Variants in MBD2 observed in about 807,000 individuals in gnomAD.
MBD2 encodes the protein methyl-CpG-binding domain protein 2.
A neutral mutation model predicts 39.3 loss-of-function variants in MBD2; 9 were observed. The ratio of observed to expected loss-of-function variants is 0.23; its 90% CI spans 0.14 to 0.40. The LOEUF (loss-of-function observed/expected upper bound fraction) is 0.40, where lower values mean the gene tolerates loss of function less well. Among genes scored for constraint, MBD2 ranks in the 10% least tolerant of loss-of-function variants. MBD2 has a pLI of 1.00. For missense variants in MBD2, 458 were observed against 532.6 expected (o/e 0.86, Z 1.38); for synonymous variants, 233 against 211.1 (o/e 1.10, Z -0.90).
intron 2 of MBD2, among the ~76,000 whole-genome samples, chr18:54,189,929 G>T (rs2086309308): frequency 6.6e-6 from 1 of 152,116 alleles, no homozygotes. Flanking sequence ...GATTACAGGT[G>T]TGAGCCTCCA....
chr18:54,215,544 A>C (rs990695472), intron 1 of MBD2, among the ~76,000 whole-genome samples: 1 of 145,514 alleles, frequency 6.9e-6, no homozygotes, highest in African/African-American at 2.6e-5. Context: ...GCTGGAGTGC[A>C]GTGGCGCGAT....
intron 1 of MBD2, among the ~76,000 whole-genome samples, chr18:54,222,634 G>A (rs1060592): frequency 6.6e-6 from 1 of 152,182 alleles, no homozygotes; most frequent in Non-Finnish European, 1.5e-5. Context: ...ATGTTTAAAA[G>A]AAGTTCTCCA....
In MBD2 at chr18:54,178,887, T is replaced by G. The variant is rs16957923; in HGVS notation, c.840+9987A>C. ...TATAAACAATCTTTTGCCACTAACT[T>G]TGAAAATTATAAAATGCACAAATTC... On this transcript the variant is annotated intron_variant, in intron 3 of 6. Transcript: ENST00000256429. Among the ~76,000 whole-genome samples, 348 of 152,256 alleles carry G rather than the reference T, an allele frequency of 2.3e-3. 3 individuals are homozygous for G. The highest frequency in any genetic ancestry group is 7.8e-3 in the African/African-American group (325 of 41,574).
At chr18:54,164,021 C>G (rs2086113374) in intron 5 of MBD2, among the ~76,000 whole-genome samples, 1 of 152,048 alleles carries the variant, frequency 6.6e-6, no homozygotes, top group South Asian at 2.1e-4. Context: ...GTAGCTGGGA[C>G]TACAGTTACA....
intron 2 of MBD2, among the ~76,000 whole-genome samples, chr18:54,199,634 C>T (rs527617237): frequency 6.6e-6 from 1 of 152,254 alleles, no homozygotes; most frequent in Non-Finnish European, 1.5e-5. Context: ...TCCCCTATTC[C>T]CTGACTCCTC....
In MBD2 at chr18:54,153,299, A is replaced by C. The variant is rs549322208; in HGVS notation, c.*2025T>G. 13 of 152,212 alleles carry C rather than the reference A, an allele frequency of 8.5e-5. No homozygotes were observed. Among genetic ancestry groups the C allele is most frequent in the Non-Finnish European group, 1.3e-4 (9 of 68,100 alleles). The allele number at this position is 152,212 out of a possible 1,614,324, so 9.4% of individuals were successfully genotyped here. A position where few individuals can be genotyped will look rare whatever the true frequency, so the allele number is the denominator to read the frequency against. ...GGCTTGCTTTTACCAGAGTGAGGGA[A>C]TGGAAGAGGGTGGTAGGTTTGTGGG... On this transcript the variant is annotated 3_prime_UTR_variant, in exon 7 of 7. Coordinates refer to ENST00000256429, the MANE Select transcript of MBD2 (RefSeq NM_003927.5).
chr18:54,180,897 C>CCTTTTTTTTTTTTTTTTTT (rs2086246150), intron 3 of MBD2, among the ~76,000 whole-genome samples: 2 of 105,370 alleles, frequency 1.9e-5, no homozygotes, highest in African/African-American at 7.8e-5. Context: ...TTAATTTTTT[C>CCTTTTTTTTTTTTTTTTTT]TTTTTCTTTT....
At chr18:54,182,938 A>T (rs2086260712) in intron 3 of MBD2, among the ~76,000 whole-genome samples, 1 of 152,148 alleles carries the variant, frequency 6.6e-6, no homozygotes, top group Non-Finnish European at 1.5e-5. Context: ...TCTCCAAAAA[A>T]AAAAAAGACA....
In MBD2 at chr18:54,155,130, A is replaced by C. The variant is rs1238480530; in HGVS notation, c.*194T>G. On this transcript the variant is annotated 3_prime_UTR_variant, in exon 7 of 7. Transcript: ENST00000256429. ...AATTTTAAGTCCTAGGACTCAAAAT[A>C]AACATGATTTTTTGAATAATAGATA... 3.9e-5 allele frequency: 6 copies of C among 152,604 alleles called. No individual in the cohort carries two copies. The highest frequency in any genetic ancestry group is 8.8e-5 in the Non-Finnish European group (6 of 68,028). The allele number at this position is 152,604 out of a possible 1,614,324, so 9.5% of individuals were successfully genotyped here.
intron 3 of MBD2, among the ~76,000 whole-genome samples, chr18:54,167,792 G>A (rs1599077837): frequency 6.6e-6 from 1 of 152,124 alleles, no homozygotes; most frequent in African/African-American, 2.4e-5. Context: ...TCAACAATAT[G>A]AGGATATAAA....
intron 1 of MBD2, among the ~76,000 whole-genome samples, chr18:54,215,714 T>G (rs2086552832): frequency 6.6e-6 from 1 of 151,962 alleles, no homozygotes; most frequent in Non-Finnish European, 1.5e-5. Context: ...CAGGCTGGTC[T>G]CGACCTCCTG....
intron 2 of MBD2, among the ~76,000 whole-genome samples, chr18:54,194,584 A>G (rs2086350985): frequency 6.7e-6 from 1 of 148,318 alleles, no homozygotes; most frequent in Non-Finnish European, 1.5e-5. Flanking sequence ...TAGCTTAATG[A>G]AAAAAATTTT....
chr18:54,185,506 A>G (rs1245195466), intron 3 of MBD2, among the ~76,000 whole-genome samples: 1 of 152,206 alleles, frequency 6.6e-6, no homozygotes, highest in Non-Finnish European at 1.5e-5. Flanking sequence ...TCAAGAGACC[A>G]GATAGTATCA....
At chr18:54,168,616 TGTGTGTGTGTGTGTGTGTG>T (rs2086155474) in intron 3 of MBD2, among the ~76,000 whole-genome samples, 1 of 6,506 alleles carries the variant, frequency 1.5e-4, no homozygotes, top group African/African-American at 9.3e-4. Context: ...TGCATATTTG[TGTGTGTGTGTGTGTGTGTG>T]TGTGTGTGTG....
At chr18:54,192,776 A>G (rs2086330836) in intron 2 of MBD2, among the ~76,000 whole-genome samples, 1 of 152,120 alleles carries the variant, frequency 6.6e-6, no homozygotes, top group South Asian at 2.1e-4. Context: ...TTGATGCTAC[A>G]CTGGTAAGAT....
chr18:54,163,168 C>T (rs1052623115), intron 5 of MBD2, among the ~76,000 whole-genome samples: 4 of 151,778 alleles, frequency 2.6e-5, no homozygotes, highest in African/African-American at 4.8e-5. Context: ...GCTACTCGGG[C>T]GGCTGAGGCA....
chr18:54,199,476 G>C (rs2086389836), intron 2 of MBD2, among the ~76,000 whole-genome samples: 1 of 151,988 alleles, frequency 6.6e-6, no homozygotes, highest in South Asian at 2.1e-4. Context: ...CTTATTTTGG[G>C]CATTATCAAT....
At chr18:54,197,776 C>G (rs2086377735) in intron 2 of MBD2, among the ~76,000 whole-genome samples, 1 of 152,204 alleles carries the variant, frequency 6.6e-6, no homozygotes, top group Non-Finnish European at 1.5e-5. Context: ...CATCATACTA[C>G]AACAGCTACT....
chr18:54,221,349 T>G (rs1020543346), intron 1 of MBD2, among the ~76,000 whole-genome samples: 2 of 151,254 alleles, frequency 1.3e-5, no homozygotes, highest in African/African-American at 4.9e-5. Flanking sequence ...TCCCAGCTAC[T>G]CGGGAGGCTG....
Sources: gnomAD v4.1 joint callset for allele counts (sites outside exome capture counted in the v4.1 genomes callset) on GRCh38, gnomAD v4.1.1 for gene constraint, MANE v1.5 for transcripts, NCBI Gene and HGNC (gene_info 2026-07-23, HGNC 2026-07-21) for gene names.